Variants in MSRA observed in about 807,000 individuals in gnomAD.
MSRA encodes the protein mitochondrial peptide methionine sulfoxide reductase.
In MSRA, 54 loss-of-function variants were observed where a neutral mutation model predicts 31.3. The observed-to-expected ratio is 1.73, with a 90% confidence interval of 1.39 to 2.17. MSRA has a LOEUF of 2.17. MSRA is among the 30% of genes most tolerant of loss of function. MSRA has a pLI of 0.00. For synonymous variants in MSRA, 169 were observed against 116.5 expected (o/e 1.45, Z -2.90); for missense variants, 507 against 300.9 (o/e 1.69, Z -5.07).
At chr8:10,095,709 C>G in intron 1 of MSRA, 2 of 1,055,930 alleles carry the variant, frequency 1.9e-6, no homozygotes, top group Non-Finnish European at 2.3e-6. Flanking sequence ...CAGAAAAACT[C>G]AGAACTTTTT....
At chr8:10,343,056 C>CACAT (rs1803540584) in intron 5 of MSRA, among the ~76,000 whole-genome samples, 1 of 147,252 alleles carries the variant, frequency 6.8e-6, no homozygotes, top group Non-Finnish European at 1.5e-5. Context: ...CACACACAGA[C>CACAT]ACACACACAC....
chr8:10,152,730 C>CA (rs1320108611), intron 1 of MSRA, among the ~76,000 whole-genome samples: 1 of 152,218 alleles, frequency 6.6e-6, no homozygotes, highest in African/African-American at 2.4e-5. Flanking sequence ...TTCATGTTCA[C>CA]AGCAGCAGTA....
intron 3 of MSRA, among the ~76,000 whole-genome samples, chr8:10,268,460 T>C (rs1798859628): frequency 6.6e-6 from 1 of 152,156 alleles, no homozygotes; most frequent in Non-Finnish European, 1.5e-5. Context: ...GAGGTTAGGG[T>C]GGGGCATTCA....
intron 2 of MSRA, among the ~76,000 whole-genome samples, chr8:10,230,029 G>A (rs1337489587): frequency 6.6e-6 from 1 of 152,196 alleles, no homozygotes; most frequent in African/African-American, 2.4e-5. Context: ...AAGATGCTCT[G>A]TGAAAATTTC....
chr8:10,303,227 G>C (rs1017695685), intron 4 of MSRA, among the ~76,000 whole-genome samples: 1 of 152,256 alleles, frequency 6.6e-6, no homozygotes, highest in Non-Finnish European at 1.5e-5. Context: ...CGTCCTGATA[G>C]AATCTCCTTA....
intron 1 of MSRA, among the ~76,000 whole-genome samples, chr8:10,199,620 C>T (rs551811776): frequency 1.2e-4 from 19 of 152,260 alleles, no homozygotes; most frequent in African/African-American, 4.6e-4. Flanking sequence ...CTCCATTCAG[C>T]TTTGCCATCC....
Position 10,101,943 on chromosome 8 carries a change from C to T in MSRA, c.142+47285C>T, listed in dbSNP as rs542763716. On this transcript the variant is annotated intron_variant, in intron 1 of 5. Transcript: ENST00000317173. ...GGGTTGACAATTTCTTTTTTTTCAG[C>T]GCAACTTCAGTTGTACTCCCTTCTT... Among the ~76,000 whole-genome samples the T allele has an allele frequency of 1.8e-4, 27 of 152,060 alleles. 1 individual carries two copies. The South Asian group carries it at 4.6e-3, about 26-fold the overall frequency.
At chr8:10,348,313 A>C (rs1379867391) in intron 5 of MSRA, among the ~76,000 whole-genome samples, 1 of 145,284 alleles carries the variant, frequency 6.9e-6, no homozygotes, top group African/African-American at 2.6e-5. Context: ...CACCAGCAGC[A>C]TGGCCAAATG....
intron 2 of MSRA, 87 bp downstream of exon 2, chr8:10,207,988 T>G: frequency 9.8e-7 from 1 of 1,022,650 alleles, no homozygotes; most frequent in Non-Finnish European, 1.4e-6. Context: ...TCTCAGGGCT[T>G]CAAAATCTGG....
intron 1 of MSRA, among the ~76,000 whole-genome samples, chr8:10,122,631 C>T (rs1038269524): frequency 2.6e-5 from 4 of 151,766 alleles, no homozygotes; most frequent in Admixed American, 6.6e-5. Flanking sequence ...TTTTGTCACC[C>T]GGATACCAAG....
At chr8:10,275,049 G>T (rs188326224) in intron 3 of MSRA, among the ~76,000 whole-genome samples, 2 of 149,538 alleles carry the variant, frequency 1.3e-5, no homozygotes, top group Non-Finnish European at 2.9e-5. Context: ...AGGACATGAC[G>T]TGCAAATGCA....
At chr8:10,323,633 A>G (rs1338097540) in intron 5 of MSRA, among the ~76,000 whole-genome samples, 2 of 152,196 alleles carry the variant, frequency 1.3e-5, no homozygotes, top group Admixed American at 1.3e-4. Flanking sequence ...ATGAGCTGCT[A>G]TAATTATCCT....
intron 5 of MSRA, among the ~76,000 whole-genome samples, chr8:10,392,422 G>C (rs1358770673): frequency 6.6e-6 from 1 of 152,118 alleles, no homozygotes; most frequent in African/African-American, 2.4e-5. Context: ...CAGTGTCAAG[G>C]CTGGGCACTG....
chr8:10,251,695 C>A (rs1241837101), intron 3 of MSRA, among the ~76,000 whole-genome samples: 2 of 152,158 alleles, frequency 1.3e-5, no homozygotes, highest in South Asian at 2.1e-4. Flanking sequence ...ACACCCACAT[C>A]CAAGCAGCTA....
In MSRA at chr8:10,370,669, C is replaced by G. The variant is rs139513578; in HGVS notation, c.543+50680C>G. ...TCTCCCTCGGGCCAACCACTTTGCT[C>G]TCCTGTACTTGCCACCTCCAGGCCA... is the stretch of plus-strand genomic sequence containing the variant. On this transcript the variant is annotated intron_variant, in intron 5 of 5. Coordinates refer to ENST00000317173, the MANE Select transcript of MSRA (RefSeq NM_012331.5). Among the ~76,000 whole-genome samples, 11 of 152,330 alleles carry G rather than the reference C, an allele frequency of 7.2e-5. No homozygotes were observed. The East Asian group carries it at 2.1e-3, about 29-fold the overall frequency.
At chr8:10,109,814 G>C (rs1166750747) in intron 1 of MSRA, among the ~76,000 whole-genome samples, 1 of 152,134 alleles carries the variant, frequency 6.6e-6, no homozygotes, top group Non-Finnish European at 1.5e-5. Context: ...TTTTTTCACA[G>C]TTTGTTGAAC....
At chr8:10,077,669 C>T (rs1489537087) in intron 1 of MSRA, among the ~76,000 whole-genome samples, 1 of 151,926 alleles carries the variant, frequency 6.6e-6, no homozygotes, top group African/African-American at 2.4e-5. Context: ...TTTTTCCTCT[C>T]AGCCTCCCTC....
In MSRA at chr8:10,306,279, G is replaced by C. The variant is rs74441493; in HGVS notation, c.436+4641G>C. 7.7e-3 allele frequency among the ~76,000 whole-genome samples: 1,177 copies of C among 152,242 alleles called. 13 individuals are homozygous for C. Among genetic ancestry groups the C allele is most frequent in the African/African-American group, 0.027 (1,142 of 41,548 alleles). On this transcript the variant is annotated intron_variant, in intron 4 of 5. Transcript: ENST00000317173. ...ATAATGTCTATACTGCCGACTTAAT[G>C]GTCTGATGTAGGAATTAAATAAAAT...
chr8:10,101,986 G>C (rs572713886), intron 1 of MSRA, among the ~76,000 whole-genome samples: 1 of 152,172 alleles, frequency 6.6e-6, no homozygotes, highest in East Asian at 1.9e-4. Context: ...TGTGTTTTCT[G>C]ATGAGAAATC....
Sources: gnomAD v4.1 joint callset for allele counts (sites outside exome capture counted in the v4.1 genomes callset) on GRCh38, gnomAD v4.1.1 for gene constraint, MANE v1.5 for transcripts, NCBI Gene and HGNC (gene_info 2026-07-23, HGNC 2026-07-21) for gene names.